Variants in AFG2A observed in about 807,000 individuals in gnomAD.
The protein encoded by AFG2A is ATPase family gene 2 protein homolog A.
At chr4:123,116,995 A>G in the AFG2A span, among the ~76,000 whole-genome samples, 1 of 152,230 alleles carries the variant, frequency 6.6e-6, no homozygotes, top group African/African-American at 2.4e-5. Context: ...TCTTGGTAGA[A>G]TATTCAAGAG....
At chr4:123,254,536 A>G in the AFG2A span, among the ~76,000 whole-genome samples, 5 of 152,308 alleles carry the variant, frequency 3.3e-5, no homozygotes, top group Admixed American at 6.5e-5. Context: ...AGAAGTTGCT[A>G]AAAGTTGCCA....
chr4:123,230,739 G>A, the AFG2A span, among the ~76,000 whole-genome samples: 1 of 151,934 alleles, frequency 6.6e-6, no homozygotes, highest in African/African-American at 2.4e-5. Flanking sequence ...CCTACAAGAT[G>A]TATTTCTTAA....
chr4:122,992,718 A>G, the AFG2A span, among the ~76,000 whole-genome samples: 1 of 152,236 alleles, frequency 6.6e-6, no homozygotes, highest in African/African-American at 2.4e-5. Context: ...CAGTGAAAAT[A>G]TAAATGTTAA....
chr4:123,218,504 G>A, the AFG2A span, among the ~76,000 whole-genome samples: 20,721 of 152,064 alleles, frequency 0.14, 4,208 homozygotes, highest in African/African-American at 0.44. Context: ...CCTTCGTGGT[G>A]GAGATGGTGT....
chr4:123,231,341 C>G, the AFG2A span, among the ~76,000 whole-genome samples: 2 of 152,012 alleles, frequency 1.3e-5, no homozygotes, highest in South Asian at 4.1e-4. Flanking sequence ...GTTATAAAGA[C>G]TGCTTCTTTT....
At chr4:123,131,873 T>C in the AFG2A span, among the ~76,000 whole-genome samples, 1 of 72,194 alleles carries the variant, frequency 1.4e-5, no homozygotes, top group South Asian at 3.5e-4. Flanking sequence ...GTATTTCTAT[T>C]TTTAATGTTT....
the AFG2A span, among the ~76,000 whole-genome samples, chr4:123,093,003 T>G: frequency 6.6e-6 from 1 of 152,182 alleles, no homozygotes; most frequent in Admixed American, 6.5e-5. Context: ...TGAAGTCAGT[T>G]GATTAAGGAT....
At chr4:123,306,716 C>T in the AFG2A span, among the ~76,000 whole-genome samples, 237 of 152,200 alleles carry the variant, frequency 1.6e-3, no homozygotes, top group African/African-American at 5.3e-3. Flanking sequence ...CCACCACACC[C>T]GGCTAATTTT....
chr4:122,990,777 C>T, the AFG2A span, among the ~76,000 whole-genome samples: 5 of 152,132 alleles, frequency 3.3e-5, no homozygotes, highest in South Asian at 2.1e-4. Flanking sequence ...TTTGTAGAGA[C>T]GAGGTCTTGC....
At chr4:122,944,967 G>A in the AFG2A span, among the ~76,000 whole-genome samples, 26 of 152,238 alleles carry the variant, frequency 1.7e-4, no homozygotes, top group African/African-American at 6.0e-4. Flanking sequence ...CCTGAACCGC[G>A]AATGCTGCTG....
At chr4:123,203,381 G>A in the AFG2A span, among the ~76,000 whole-genome samples, 1 of 151,752 alleles carries the variant, frequency 6.6e-6, no homozygotes, top group African/African-American at 2.4e-5. Flanking sequence ...AGAGTCCAAT[G>A]GCGCAGTCTT....
chr4:123,067,222 A>G, the AFG2A span, among the ~76,000 whole-genome samples: 2 of 152,028 alleles, frequency 1.3e-5, no homozygotes, highest in African/African-American at 4.8e-5. Context: ...GGTGTGTGAG[A>G]TTTTAAGAAA....
At chr4:123,075,744 G>T in the AFG2A span, among the ~76,000 whole-genome samples, 1 of 150,862 alleles carries the variant, frequency 6.6e-6, no homozygotes, top group African/African-American at 2.4e-5. Context: ...GATCACCTGA[G>T]GTCAGGTGTT....
the AFG2A span, among the ~76,000 whole-genome samples, chr4:122,955,517 C>A: frequency 6.6e-6 from 1 of 152,208 alleles, no homozygotes; most frequent in African/African-American, 2.4e-5. Context: ...ACTTTTACCT[C>A]CAAATCATTG....
chr4:123,316,606 G>A, the AFG2A span: 1 of 152,142 alleles, frequency 6.6e-6, no homozygotes, highest in Non-Finnish European at 1.5e-5. Flanking sequence ...ATCCTTCAGG[G>A]CCTAAACAAG....
the AFG2A span, among the ~76,000 whole-genome samples, chr4:123,081,677 A>G: frequency 6.6e-6 from 1 of 152,124 alleles, no homozygotes; most frequent in Admixed American, 6.6e-5. Flanking sequence ...ACCTGTGGTA[A>G]GAGTATTTTT....
the AFG2A span, among the ~76,000 whole-genome samples, chr4:122,981,936 T>G: frequency 6.6e-6 from 1 of 152,112 alleles, no homozygotes; most frequent in Non-Finnish European, 1.5e-5. Context: ...TATATAAGAT[T>G]ATGTCATCTG....
the AFG2A span, among the ~76,000 whole-genome samples, chr4:123,007,568 ATGTGTGTGTGTGTGTGTGTGTGTGTG>A: frequency 0.5 from 45,758 of 91,172 alleles, 11,091 homozygotes; most frequent in East Asian, 0.59. Context: ...GTGTGTGTAT[ATGTGTGTGTGTGTGTGTGTGTGTGTG>A]TGTGTGTGTG....
At chr4:123,150,304 G>A in the AFG2A span, among the ~76,000 whole-genome samples, 3,255 of 152,248 alleles carry the variant, frequency 0.021, 64 homozygotes, top group Non-Finnish European at 0.035. Flanking sequence ...GAAATAAAGC[G>A]TATTTAAATA....
Sources: gnomAD v4.1 joint callset for allele counts (sites outside exome capture counted in the v4.1 genomes callset) on GRCh38, gnomAD v4.1.1 for gene constraint, MANE v1.5 for transcripts, NCBI Gene and HGNC (gene_info 2026-07-23, HGNC 2026-07-21) for gene names.